Variants in KCNH7 observed in about 807,000 individuals in gnomAD.
The protein encoded by KCNH7 is voltage-gated inwardly rectifying potassium channel KCNH7.
Under a neutral mutation model 120.8 loss-of-function variants are expected in KCNH7, and 49 were observed. The observed-to-expected ratio is 0.41, with a 90% CI of 0.32 to 0.51. The LOEUF (loss-of-function observed/expected upper bound fraction) is 0.51. KCNH7 is among the 20% of genes least tolerant of loss of function. The pLI is 0.38. For synonymous variants in KCNH7, 547 were observed against 516.1 expected (o/e 1.06, Z -0.81); for missense variants, 1,097 against 1,446.6 (o/e 0.76, Z 3.92).
At chr2:162,668,395 G>A (rs1685223124) in intron 2 of KCNH7, among the ~76,000 whole-genome samples, 1 of 152,170 alleles carries the variant, frequency 6.6e-6, no homozygotes, top group Admixed American at 6.6e-5. Flanking sequence ...GAAGTACACA[G>A]TGAATATTTT....
chr2:162,632,427 A>C (rs1039438342), intron 2 of KCNH7, among the ~76,000 whole-genome samples: 1 of 151,954 alleles, frequency 6.6e-6, no homozygotes, highest in Non-Finnish European at 1.5e-5. Context: ...GTTTCATAGG[A>C]TATCAATTTC....
intron 2 of KCNH7, among the ~76,000 whole-genome samples, chr2:162,646,164 A>T (rs1213193812): frequency 6.6e-6 from 1 of 152,218 alleles, no homozygotes; most frequent in Non-Finnish European, 1.5e-5. Flanking sequence ...TTATATTTGC[A>T]AATATATTTA....
intron 2 of KCNH7, among the ~76,000 whole-genome samples, chr2:162,808,668 T>A (rs1317398509): frequency 6.6e-6 from 1 of 152,040 alleles, no homozygotes; most frequent in Non-Finnish European, 1.5e-5. Context: ...TTTGTTCAGT[T>A]TACTTCCATT....
chr2:162,830,927 T>C (rs1421662938), intron 2 of KCNH7, among the ~76,000 whole-genome samples: 2 of 152,154 alleles, frequency 1.3e-5, no homozygotes, highest in African/African-American at 4.8e-5. Context: ...AGTTACCCGC[T>C]CTAAGGTATT....
At chr2:162,596,164 A>G (rs1694373048) in intron 2 of KCNH7, among the ~76,000 whole-genome samples, 1 of 152,066 alleles carries the variant, frequency 6.6e-6, no homozygotes, top group South Asian at 2.1e-4. Flanking sequence ...TGCAACCCCT[A>G]TCAAAACTCC....
chr2:162,777,254 T>A (rs1259718484), intron 2 of KCNH7, among the ~76,000 whole-genome samples: 1 of 152,060 alleles, frequency 6.6e-6, no homozygotes, highest in Non-Finnish European at 1.5e-5. Context: ...AATGACAAAA[T>A]ATTTACACAT....
chr2:162,522,997 T>C (rs150796193), intron 3 of KCNH7, among the ~76,000 whole-genome samples: 1 of 151,998 alleles, frequency 6.6e-6, no homozygotes, highest in African/African-American at 2.4e-5. Context: ...CAAGAAAACA[T>C]AGATAGTCCC....
At chr2:162,538,161 T>G (rs1450072583) in intron 2 of KCNH7, 3 of 152,120 alleles carry the variant, frequency 2.0e-5, no homozygotes, top group African/African-American at 7.2e-5. Context: ...TGGCCCAGGA[T>G]GGCTTTGAAT....
chr2:162,625,463 G>A (rs1396001827), intron 2 of KCNH7, among the ~76,000 whole-genome samples: 2 of 152,174 alleles, frequency 1.3e-5, no homozygotes, highest in Non-Finnish European at 2.9e-5. Context: ...GTAGGAGCTA[G>A]TAGGGGGTGA....
intron 2 of KCNH7, among the ~76,000 whole-genome samples, chr2:162,649,457 C>T (rs1684491400): frequency 6.6e-6 from 1 of 152,142 alleles, no homozygotes; most frequent in Admixed American, 6.5e-5. Context: ...GTAATATTTA[C>T]TTATTATTTT....
intron 2 of KCNH7, among the ~76,000 whole-genome samples, chr2:162,593,966 C>A (rs1313752804): frequency 2.0e-5 from 3 of 151,908 alleles, no homozygotes; most frequent in African/African-American, 7.2e-5. Context: ...CTGGCTAATC[C>A]TTTGTATAAA....
intron 2 of KCNH7, among the ~76,000 whole-genome samples, chr2:162,815,987 A>G (rs1684905011): frequency 6.6e-6 from 1 of 152,048 alleles, no homozygotes; most frequent in Non-Finnish European, 1.5e-5. Context: ...GGCAGGGTGC[A>G]GTGGCCCACA....
At chr2:162,413,286 G>C (rs899862982) in intron 9 of KCNH7, among the ~76,000 whole-genome samples, 4 of 151,914 alleles carry the variant, frequency 2.6e-5, no homozygotes, top group Non-Finnish European at 5.9e-5. Context: ...CTGCCACCAC[G>C]ACCAGCTAAT....
Position 162,431,689 on chromosome 2 carries a change from T to C in KCNH7, c.1954+3509A>G, listed in dbSNP as rs80185911. Reference sequence around the variant, plus strand: ...ATGGTATGTGAAATGTGGGTGTATCTTACTGTAATCAATTTGATTAGAGTG... The same window carrying C: ...ATGGTATGTGAAATGTGGGTGTATCCTACTGTAATCAATTTGATTAGAGTG... On this transcript the variant is annotated intron_variant, in intron 8 of 15. Coordinates refer to ENST00000332142, the MANE Select transcript of KCNH7 (RefSeq NM_033272.4). 8.9e-3 allele frequency among the ~76,000 whole-genome samples: 1,350 copies of C among 152,108 alleles called. 3 individuals are homozygous for C. Among genetic ancestry groups the C allele is most frequent in the Non-Finnish European group, 0.015 (1,017 of 67,916 alleles).
At chr2:162,574,294 A>G (rs1046635514) in intron 2 of KCNH7, among the ~76,000 whole-genome samples, 3 of 152,000 alleles carry the variant, frequency 2.0e-5, no homozygotes, top group Non-Finnish European at 4.4e-5. Flanking sequence ...TTCATTAGCC[A>G]TTCTTCAAGT....
intron 2 of KCNH7, among the ~76,000 whole-genome samples, chr2:162,818,998 A>G (rs1171740225): frequency 6.6e-6 from 1 of 152,160 alleles, no homozygotes; most frequent in Non-Finnish European, 1.5e-5. Context: ...ACAAATCAAA[A>G]TTGAACATTC....
chr2:162,752,941 AAGAAAAG>A, intron 2 of KCNH7, among the ~76,000 whole-genome samples: 1 of 100,176 alleles, frequency 1.0e-5, no homozygotes, highest in South Asian at 3.0e-4. Flanking sequence ...AAGAAAAGAA[AAGAAAAG>A]AAAAGAAAAG....
intron 3 of KCNH7, among the ~76,000 whole-genome samples, chr2:162,526,931 AC>A (rs1206602769): frequency 6.6e-6 from 1 of 152,046 alleles, no homozygotes; most frequent in Non-Finnish European, 1.5e-5. Context: ...TGCAGTAAAG[AC>A]AGGCGTAAGA....
intron 7 of KCNH7, among the ~76,000 whole-genome samples, chr2:162,444,032 C>T (rs1051602966): frequency 6.6e-6 from 1 of 152,182 alleles, no homozygotes; most frequent in African/African-American, 2.4e-5. Context: ...ATGGCCTCTC[C>T]TTACTGGCCT....
Sources: gnomAD v4.1 joint callset for allele counts (sites outside exome capture counted in the v4.1 genomes callset) on GRCh38, gnomAD v4.1.1 for gene constraint, MANE v1.5 for transcripts, NCBI Gene and HGNC (gene_info 2026-07-23, HGNC 2026-07-21) for gene names.